The following KLHL29 variants were observed in gnomAD, a reference collection of about 807,000 sequenced individuals.
The protein encoded by KLHL29 is kelch-like protein 29.
Under a neutral mutation model 80.4 loss-of-function variants are expected in KLHL29, and 21 were observed. The ratio of observed to expected loss-of-function variants is 0.26; its 90% CI spans 0.19 to 0.38. The LOEUF (loss-of-function observed/expected upper bound fraction) is 0.38. KLHL29 is among the 10% of genes least tolerant of loss of function. KLHL29 has a pLI of 1.00. For synonymous variants in KLHL29, 511 were observed against 526.8 expected (o/e 0.97, Z 0.41); for missense variants, 867 against 1,223.9 (o/e 0.71, Z 4.35).
At position 23,693,279 on chromosome 2, in the gene KLHL29, G is replaced by A; in HGVS notation, c.1293G>A (p.Leu431=). ...KVCVSFLEKQ[L]TASNCLGVLA... The stretch of plus-strand genomic sequence containing the variant: ...CGCTGTCGCCCCCAGAGAAGCAGCT[G>A]ACGGCCAGCAACTGCCTGGGCGTGC... The change falls in exon 8 of 14, where the codon CTG becomes CTA. Residue 431 remains leucine, a synonymous_variant. Coordinates refer to ENST00000486442, the MANE Select transcript of KLHL29 (RefSeq NM_052920.2). The A allele has an allele frequency of 1.9e-6, 3 of 1,541,884 alleles. No homozygotes were observed. The highest frequency in any genetic ancestry group is 1.8e-6 in the Non-Finnish European group (2 of 1,140,564).
chr2:23,576,917 A>T (rs1667856938), intron 3 of KLHL29, among the ~76,000 whole-genome samples: 1 of 151,896 alleles, frequency 6.6e-6, no homozygotes, highest in African/African-American at 2.4e-5. Flanking sequence ...CCGCGGTCAG[A>T]TAGTCAGTCA....
Position 23,642,275 on chromosome 2 carries a change from T to C in KLHL29, c.428-63T>C. Reference sequence around the variant, plus strand: ...CTAGCACCCAGTGCAGGGCCGGGGATGGTCAGTGTTTGTTGAATGAAAATG... The same window carrying C: ...CTAGCACCCAGTGCAGGGCCGGGGACGGTCAGTGTTTGTTGAATGAAAATG... On this transcript the variant is annotated intron_variant, in intron 4 of 13. Transcript: ENST00000486442. 3 of 1,361,514 alleles carry C rather than the reference T, an allele frequency of 2.2e-6. No homozygotes were observed. The Admixed American group carries it at 9.6e-5, about 43-fold the overall frequency. The allele number at this position is 1,361,514 out of a possible 1,614,324, so 84.3% of individuals were successfully genotyped here. A position where few individuals can be genotyped will look rare whatever the true frequency, so the allele number is the denominator to read the frequency against.
chr2:23,466,881 G>C (rs567039726), intron 1 of KLHL29, among the ~76,000 whole-genome samples: 1 of 152,300 alleles, frequency 6.6e-6, no homozygotes, highest in Non-Finnish European at 1.5e-5. Context: ...GATGTTATCT[G>C]ACCTTTCTGG....
At chr2:23,498,613 AG>A (rs1218236600) in intron 2 of KLHL29, among the ~76,000 whole-genome samples, 4 of 152,362 alleles carry the variant, frequency 2.6e-5, no homozygotes, top group Admixed American at 2.6e-4. Context: ...CGCCTTCGTT[AG>A]GACATTTAGG....
intron 2 of KLHL29, among the ~76,000 whole-genome samples, chr2:23,561,634 G>A (rs563664993): frequency 2.0e-5 from 3 of 152,222 alleles, no homozygotes; most frequent in Non-Finnish European, 4.4e-5. Context: ...GAGGTCCCTC[G>A]ACCCTCAACT....
intron 1 of KLHL29, among the ~76,000 whole-genome samples, chr2:23,445,200 A>C (rs1384984940): frequency 6.6e-6 from 1 of 152,256 alleles, no homozygotes; most frequent in East Asian, 1.9e-4. Flanking sequence ...CATATAATAC[A>C]GTAACCTCAT....
intron 1 of KLHL29, among the ~76,000 whole-genome samples, chr2:23,395,034 T>C (rs1666414245): frequency 6.6e-6 from 1 of 152,240 alleles, no homozygotes. Flanking sequence ...TCATGGTCCT[T>C]GAAGGCAAGG....
At chr2:23,613,961 C>T (rs1668938478) in intron 3 of KLHL29, among the ~76,000 whole-genome samples, 1 of 152,004 alleles carries the variant, frequency 6.6e-6, no homozygotes, top group Non-Finnish European at 1.5e-5. Flanking sequence ...AAGATAAGTA[C>T]TAAGATTTTA....
intron 2 of KLHL29, among the ~76,000 whole-genome samples, chr2:23,502,600 T>C (rs908596633): frequency 3.3e-5 from 5 of 152,246 alleles, no homozygotes; most frequent in South Asian, 2.1e-4. Flanking sequence ...CAAATCTACC[T>C]ATATGACCAA....
At chr2:23,705,909 G>A (rs909360032) in intron 13 of KLHL29, among the ~76,000 whole-genome samples, 3 of 152,202 alleles carry the variant, frequency 2.0e-5, no homozygotes, top group African/African-American at 7.2e-5. Context: ...GAGCAAGCCA[G>A]TGAGTGTCAC....
intron 2 of KLHL29, among the ~76,000 whole-genome samples, chr2:23,554,951 G>A (rs1489840833): frequency 6.6e-6 from 1 of 152,184 alleles, no homozygotes; most frequent in Non-Finnish European, 1.5e-5. Flanking sequence ...GGGGCACCAG[G>A]ATTTCCTTCC....
intron 5 of KLHL29, chr2:23,671,871 C>G (rs891422256): frequency 5.3e-5 from 8 of 152,356 alleles, no homozygotes; most frequent in Non-Finnish European, 1.2e-4. Flanking sequence ...GCCAGGGGGA[C>G]TGTCTCTGTG....
At chr2:23,437,943 C>A (rs1311384419) in intron 1 of KLHL29, among the ~76,000 whole-genome samples, 1 of 147,878 alleles carries the variant, frequency 6.8e-6, no homozygotes, top group Non-Finnish European at 1.5e-5. Context: ...TACCCATGAG[C>A]ATGGAATGTT....
rs1040521001 is a variant in KLHL29 at position 23,591,115 on chromosome 2, CAG to C, written c.285+28635_285+28636del. ...GCGCTGCGACTTTAAACAGCACACT[CAG>C]GGGACTCTGAGCAAAGACCTGGCAA... On this transcript the variant is annotated intron_variant, in intron 3 of 13. Coordinates refer to ENST00000486442, the MANE Select transcript of KLHL29 (RefSeq NM_052920.2). Among the ~76,000 whole-genome samples, 290 of 152,268 alleles carry C rather than the reference CAG, an allele frequency of 1.9e-3. 3 individuals are homozygous for C. The highest frequency in any genetic ancestry group is 9.4e-4 in the Non-Finnish European group (64 of 68,020).
intron 8 of KLHL29, 31 bp downstream of exon 8, chr2:23,693,559 C>A (rs1671757866): frequency 6.5e-7 from 1 of 1,535,620 alleles, no homozygotes; most frequent in South Asian, 1.2e-5. Flanking sequence ...CGCCCCTTCT[C>A]TCTGGGTTTG....
At chr2:23,570,787 T>C (rs1297848185) in intron 3 of KLHL29, among the ~76,000 whole-genome samples, 1 of 152,160 alleles carries the variant, frequency 6.6e-6, no homozygotes, top group Non-Finnish European at 1.5e-5. Flanking sequence ...TGCTTTCAGA[T>C]TTGATTGCTT....
chr2:23,704,637 T>C (rs1446115193), intron 13 of KLHL29, among the ~76,000 whole-genome samples: 4 of 152,100 alleles, frequency 2.6e-5, no homozygotes, highest in African/African-American at 9.7e-5. Flanking sequence ...CGTGGTGGCA[T>C]GTGCCTGTAA....
At chr2:23,399,680 T>C (rs1666541167) in intron 1 of KLHL29, among the ~76,000 whole-genome samples, 1 of 152,242 alleles carries the variant, frequency 6.6e-6, no homozygotes, top group Non-Finnish European at 1.5e-5. Context: ...AACTGCATGA[T>C]GAACCTGTGT....
chr2:23,435,823 C>A (rs181110990), intron 1 of KLHL29, among the ~76,000 whole-genome samples: 52 of 152,110 alleles, frequency 3.4e-4, no homozygotes, highest in Admixed American at 3.3e-3. Context: ...GTTTGGAACC[C>A]TTTGCCCCAG....
Sources: gnomAD v4.1 joint callset for allele counts (sites outside exome capture counted in the v4.1 genomes callset) on GRCh38, gnomAD v4.1.1 for gene constraint, MANE v1.5 for transcripts, NCBI Gene and HGNC (gene_info 2026-07-23, HGNC 2026-07-21) for gene names.